Variants in CACNG6 observed in about 807,000 individuals in gnomAD.
CACNG6 encodes the protein calcium voltage-gated channel auxiliary subunit gamma 6, also known as voltage-dependent calcium channel gamma-6 subunit.
Under a neutral mutation model 23.9 loss-of-function variants are expected in CACNG6, and 21 were observed. The ratio of observed to expected loss-of-function variants is 0.88; its 90% CI spans 0.62 to 1.26. The LOEUF is 1.26. Ranked by LOEUF, CACNG6 falls within the 50% of genes most tolerant of loss-of-function variation. CACNG6 has a pLI of 0.00. For synonymous variants in CACNG6, 182 were observed against 168.9 expected (o/e 1.08, Z -0.60); for missense variants, 340 against 352.9 (o/e 0.96, Z 0.29).
At chr19:54,004,243 G>A (rs565827455) in intron 3 of CACNG6, among the ~76,000 whole-genome samples, 21 of 151,664 alleles carry the variant, frequency 1.4e-4, no homozygotes, top group Non-Finnish European at 2.6e-4. Context: ...TCACTGAAAC[G>A]TCTGACTCCT....
chr19:53,998,484 A>G (rs986163594), intron 2 of CACNG6, among the ~76,000 whole-genome samples, 171 bp downstream of exon 2: 5 of 148,022 alleles, frequency 3.4e-5, no homozygotes, highest in African/African-American at 5.0e-5. Flanking sequence ...TGATGGGGAC[A>G]TGGTGCTCTA....
chr19:53,992,931 G>A lies in CACNG6; in HGVS notation c.54G>A (p.Ala18=). 1.4e-6 allele frequency: 2 copies of A among 1,393,154 alleles called. No homozygotes were observed. Among genetic ancestry groups the A allele is most frequent in the Non-Finnish European group, 1.9e-6 (2 of 1,076,700 alleles). 86.3% of individuals were successfully genotyped at this position (1,393,154 alleles called of 1,614,324 possible). ...AGGAGAACCGGCGGCGGGGGGCCGC[G>A]GGCCGGCGGCGGGCGCACGGGCAGG... ...LQEENRRRGA[A]GRRRAHGQGR... The change falls in exon 1 of 4, where the codon GCG becomes GCA. Residue 18 remains alanine, a synonymous_variant. Transcript: ENST00000252729. The surrounding 1 kb of genome is among the most constrained non-coding windows in gnomAD (Gnocchi z 4.1).
chr19:54,005,165 C>A (rs1033825550), intron 3 of CACNG6, among the ~76,000 whole-genome samples: 1 of 150,244 alleles, frequency 6.7e-6, no homozygotes, highest in Non-Finnish European at 1.5e-5. Flanking sequence ...GCTGGGATCG[C>A]GCCACTGCAC....
In CACNG6 at chr19:54,004,465, G is replaced by A. The variant is rs138048801; in HGVS notation, c.544+4694G>A. Among the ~76,000 whole-genome samples, 626 of 150,602 alleles carry A rather than the reference G, an allele frequency of 4.2e-3. 16 individuals are homozygous for A. In the East Asian group the frequency reaches 0.052, roughly 12 times the overall value. ...CCTGATGACCTCAGGTGATCTGCCC[G>A]CCTCAGCCTCCCAAAGTGTTGGGAT... is the stretch of plus-strand genomic sequence containing the variant. On this transcript the variant is annotated intron_variant, in intron 3 of 3. Coordinates refer to ENST00000252729, the MANE Select transcript of CACNG6 (RefSeq NM_145814.2).
chr19:54,002,269 T>G (rs2069584356), intron 3 of CACNG6, among the ~76,000 whole-genome samples: 2 of 133,960 alleles, frequency 1.5e-5, no homozygotes, highest in Admixed American at 1.5e-4. Context: ...AATTTTCGGT[T>G]TTTTTGTTTT....
chr19:53,992,712 C>T lies in CACNG6; in HGVS notation c.-166C>T. 1 of 414,832 alleles carries T rather than the reference C, an allele frequency of 2.4e-6. No individual in the cohort carries two copies. The highest frequency in any genetic ancestry group is 3.6e-5 in the East Asian group (1 of 27,522). 25.7% of individuals were successfully genotyped at this position (414,832 alleles called of 1,614,324 possible). ...TTCTGAACCCCAGAAGCAATCTCGA[C>T]TTTCGCATTTGAGATTCCAGACAGG... is the stretch of plus-strand genomic sequence containing the variant. On this transcript the variant is annotated 5_prime_UTR_variant, in exon 1 of 4. Coordinates refer to ENST00000252729, the MANE Select transcript of CACNG6 (RefSeq NM_145814.2). This position sits in a 1 kb window ranked among gnomAD's most constrained non-coding sequence, Gnocchi z 4.1.
chr19:53,995,135 T>C (rs1047397624), intron 1 of CACNG6, among the ~76,000 whole-genome samples: 1 of 151,848 alleles, frequency 6.6e-6, no homozygotes, highest in African/African-American at 2.4e-5. Context: ...TTGCCTCTCT[T>C]CTCAACAACT....
intron 3 of CACNG6, among the ~76,000 whole-genome samples, chr19:54,001,684 G>T (rs899917481): frequency 1.3e-5 from 2 of 152,144 alleles, no homozygotes; most frequent in Non-Finnish European, 2.9e-5. Flanking sequence ...AGGTGACATT[G>T]AAGATGTCAA....
In CACNG6 at chr19:53,992,562, C is replaced by G. The variant is rs1014168828; in HGVS notation, c.-316C>G. 2 of 222,208 alleles carry G rather than the reference C, an allele frequency of 9.0e-6. No individual in the cohort carries two copies. The highest frequency in any genetic ancestry group is 4.6e-5 in the African/African-American group (2 of 43,814). The allele number at this position is 222,208 out of a possible 1,614,324, so 13.8% of individuals were successfully genotyped here. ...CCTCCTGGGAAGCCGAATTCTATCT[C>G]TAAACCTCAGGGTGGGGGCCTTGTT... is the stretch of plus-strand genomic sequence containing the variant. On this transcript the variant is annotated 5_prime_UTR_variant, in exon 1 of 4. Transcript: ENST00000252729. The surrounding 1 kb of genome is among the most constrained non-coding windows in gnomAD (Gnocchi z 4.1).
At chr19:54,001,293 A>G (rs937192273) in intron 3 of CACNG6, among the ~76,000 whole-genome samples, 1 of 151,872 alleles carries the variant, frequency 6.6e-6, no homozygotes, top group Non-Finnish European at 1.5e-5. Context: ...GGTTCAAGCA[A>G]TTCTCCTGAC....
chr19:54,009,058 G>A (rs1300682820), intron 3 of CACNG6, among the ~76,000 whole-genome samples: 2 of 152,230 alleles, frequency 1.3e-5, no homozygotes, highest in Non-Finnish European at 2.9e-5. Flanking sequence ...GGAGGCCAAG[G>A]TGAGTGGATC....
chr19:53,998,155 C>T (rs971055543), intron 1 of CACNG6, 84 bp from the exon 2 acceptor site: 2 of 1,213,832 alleles, frequency 1.6e-6, no homozygotes, highest in African/African-American at 3.0e-5. Context: ...TTTTAGGCTC[C>T]CGTGGGCTGT....
rs371378912 is a variant in CACNG6, at chr19:53,992,271, C to A, written c.-607C>A. 3.3e-5 allele frequency: 5 copies of A among 152,190 alleles called. No individual in the cohort carries two copies. The highest frequency in any genetic ancestry group is 9.7e-5 in the African/African-American group (4 of 41,436). The allele number at this position is 152,190 out of a possible 1,614,324, so 9.4% of individuals were successfully genotyped here. On this transcript the variant is annotated 5_prime_UTR_variant, in exon 1 of 4. Transcript: ENST00000252729. The surrounding 1 kb of genome is among the most constrained non-coding windows in gnomAD (Gnocchi z 4.1). ...CCCGGGACCCCAGGTCTTCCTTTTC[C>A]GAATCCCAGAGGGTCCCCAAGTCCT...
intron 3 of CACNG6, among the ~76,000 whole-genome samples, chr19:54,003,025 T>C (rs1384882643): frequency 6.6e-6 from 1 of 152,150 alleles, no homozygotes; most frequent in Admixed American, 6.6e-5. Context: ...CAATATACAT[T>C]CATAACTACC....
Position 53,993,215 on chromosome 19 carries a change from A to T in CACNG6, c.331+7A>T, listed in dbSNP as rs1444381761. On this transcript the variant is annotated splice_region_variant and intron_variant, in intron 1 of 3. Transcript: ENST00000252729. ...CCCGCGGAGCTGCCCGGAGGTGAGCAGCCGCCGCCCCGAGCGCAGGGCTTG... is the reference window on the plus strand; with the variant it reads ...CCCGCGGAGCTGCCCGGAGGTGAGCTGCCGCCGCCCCGAGCGCAGGGCTTG... 19 of 1,533,806 alleles carry T rather than the reference A, an allele frequency of 1.2e-5. No individual in the cohort carries two copies. The highest frequency in any genetic ancestry group is 1.7e-5 in the Non-Finnish European group (19 of 1,143,720).
At chr19:54,010,870 A>G (rs2069698951) in intron 3 of CACNG6, among the ~76,000 whole-genome samples, 1 of 152,004 alleles carries the variant, frequency 6.6e-6, no homozygotes, top group South Asian at 2.1e-4. Flanking sequence ...TGTGAGCCAC[A>G]GCACCCAGCC....
intron 1 of CACNG6, among the ~76,000 whole-genome samples, chr19:53,994,000 C>T (rs1042549357): frequency 4.6e-5 from 7 of 152,050 alleles, no homozygotes; most frequent in Admixed American, 3.3e-4. Context: ...TGTGCCCACC[C>T]CAGACAGCCT....
At position 53,991,964 on chromosome 19, in the gene CACNG6, C is replaced by T. The variant is rs1435394765; in HGVS notation, c.-914C>T. 1.3e-5 allele frequency among the ~76,000 whole-genome samples: 2 copies of T among 152,034 alleles called. No homozygotes were observed. Among genetic ancestry groups the T allele is most frequent in the African/African-American group, 4.8e-5 (2 of 41,348 alleles). ...CCCCATAGTGTGAGCCCCAGGAGGGCCCCCGGTCCCATCTGCCCCAGCCCT... is the reference window on the plus strand; with the variant it reads ...CCCCATAGTGTGAGCCCCAGGAGGGTCCCCGGTCCCATCTGCCCCAGCCCT... On this transcript the variant is annotated 5_prime_UTR_variant, in exon 1 of 4. Transcript: ENST00000252729.
At chr19:54,006,370 G>T (rs1385242773) in intron 3 of CACNG6, among the ~76,000 whole-genome samples, 7 of 151,854 alleles carry the variant, frequency 4.6e-5, no homozygotes, top group African/African-American at 1.7e-4. Context: ...TTTCCTCACC[G>T]TTCTGGAGGC....
Sources: allele counts gnomAD v4.1 joint callset (sites outside exome capture counted in the v4.1 genomes callset), GRCh38; gene constraint gnomAD v4.1.1; non-coding constraint Gnocchi (gnomAD v3.1); transcripts MANE v1.5; gene names NCBI Gene and HGNC (gene_info 2026-07-23, HGNC 2026-07-21).